ZNF704: variants seen among roughly 807,000 people sequenced by gnomAD.
The protein encoded by ZNF704 is zinc finger protein 704, also known as glucocorticoid induced gene 1.
Under a neutral mutation model 44.7 loss-of-function variants are expected in ZNF704, and 10 were observed. That is an observed-to-expected ratio of 0.22 (90% CI 0.14 to 0.38). ZNF704 has a LOEUF of 0.38. Among genes scored for constraint, ZNF704 ranks in the 10% least tolerant of loss-of-function variants. The probability of loss-of-function intolerance (pLI) is 1.00; values close to 1 mark genes in which losing one functional copy is unlikely to be tolerated. For missense variants in ZNF704, 390 were observed against 545.5 expected (o/e 0.71, Z 2.84); for synonymous variants, 211 against 207.6 (o/e 1.02, Z -0.14).
At chr8:80,817,448 C>T (rs1183252873) in intron 2 of ZNF704, among the ~76,000 whole-genome samples, 3 of 152,180 alleles carry the variant, frequency 2.0e-5, no homozygotes, top group South Asian at 2.1e-4. Flanking sequence ...AACTTTCCTG[C>T]CCTCTCTCCA....
intron 1 of ZNF704, among the ~76,000 whole-genome samples, chr8:80,854,486 G>A (rs918225714): frequency 6.6e-6 from 1 of 152,204 alleles, no homozygotes; most frequent in Non-Finnish European, 1.5e-5. Flanking sequence ...GCCTAACTGT[G>A]ACATAGTCTG....
intron 2 of ZNF704, among the ~76,000 whole-genome samples, chr8:80,806,100 C>T (rs1807985385): frequency 6.6e-6 from 1 of 152,154 alleles, no homozygotes; most frequent in South Asian, 2.1e-4. Context: ...AGAAGGAAGA[C>T]TATTAGCACA....
chr8:80,750,357 T>TAAA (rs5892739), intron 2 of ZNF704, among the ~76,000 whole-genome samples: 3 of 146,886 alleles, frequency 2.0e-5, no homozygotes, highest in Non-Finnish European at 1.5e-5. Context: ...GTAGCTACAC[T>TAAA]AAAAAAAAAA....
intron 2 of ZNF704, among the ~76,000 whole-genome samples, chr8:80,795,409 G>A (rs554858195): frequency 6.6e-6 from 1 of 152,318 alleles, no homozygotes; most frequent in South Asian, 2.1e-4. Flanking sequence ...TCCACAGAAT[G>A]TAATAAAATG....
At chr8:80,798,551 G>A (rs111398034) in intron 2 of ZNF704, among the ~76,000 whole-genome samples, 8,858 of 152,210 alleles carry the variant, frequency 0.058, 287 homozygotes, top group Middle Eastern at 0.13. Context: ...CACGATGCCC[G>A]GCCCTGGTGT....
At chr8:80,669,191 T>G (rs1276534388) in intron 5 of ZNF704, among the ~76,000 whole-genome samples, 1 of 152,108 alleles carries the variant, frequency 6.6e-6, no homozygotes, top group Non-Finnish European at 1.5e-5. Context: ...TTAAAACAAA[T>G]ACCCTACCTC....
chr8:80,724,825 T>C (rs945039598), intron 2 of ZNF704, among the ~76,000 whole-genome samples: 2 of 152,162 alleles, frequency 1.3e-5, no homozygotes, highest in Non-Finnish European at 2.9e-5. Flanking sequence ...TTAACTGATT[T>C]CCCTGCCCTA....
intron 2 of ZNF704, among the ~76,000 whole-genome samples, chr8:80,810,806 C>T (rs1348900385): frequency 2.6e-5 from 4 of 152,188 alleles, no homozygotes; most frequent in Non-Finnish European, 4.4e-5. Context: ...AGGAATCATG[C>T]TGCAGATTTC....
intron 2 of ZNF704, among the ~76,000 whole-genome samples, chr8:80,710,527 A>G (rs1240669903): frequency 6.6e-6 from 1 of 152,024 alleles, no homozygotes; most frequent in East Asian, 1.9e-4. Context: ...TTGAAGCCCT[A>G]CCCCTCGACA....
intron 1 of ZNF704, among the ~76,000 whole-genome samples, chr8:80,864,083 A>G (rs1321993874): frequency 6.6e-6 from 1 of 152,182 alleles, no homozygotes; most frequent in Admixed American, 6.5e-5. Context: ...GTATTCACAG[A>G]TACACAAGTG....
chr8:80,830,564 G>A (rs1473238362), intron 1 of ZNF704, among the ~76,000 whole-genome samples: 2 of 151,928 alleles, frequency 1.3e-5, no homozygotes, highest in Non-Finnish European at 2.9e-5. Context: ...TGTATGAGTA[G>A]TAAGTTTACT....
At chr8:80,705,158 C>T (rs896581714) in intron 2 of ZNF704, among the ~76,000 whole-genome samples, 3 of 152,254 alleles carry the variant, frequency 2.0e-5, no homozygotes, top group East Asian at 1.9e-4. Context: ...AGAGCCTGAG[C>T]GTTTACCCCT....
chr8:80,741,547 G>A (rs1806756792), intron 2 of ZNF704, among the ~76,000 whole-genome samples: 1 of 152,218 alleles, frequency 6.6e-6, no homozygotes, highest in South Asian at 2.1e-4. Context: ...ATCTCATGAT[G>A]TGAACAGCAT....
chr8:80,863,126 T>C (rs1809097561), intron 1 of ZNF704, among the ~76,000 whole-genome samples: 1 of 152,236 alleles, frequency 6.6e-6, no homozygotes, highest in South Asian at 2.1e-4. Flanking sequence ...CAGATATTTA[T>C]TTTTATAAAT....
intron 2 of ZNF704, among the ~76,000 whole-genome samples, chr8:80,696,152 G>C (rs1818721259): frequency 6.6e-6 from 1 of 152,134 alleles, no homozygotes; most frequent in Non-Finnish European, 1.5e-5. Flanking sequence ...TGAGAAAACT[G>C]CTGCAAAGCC....
At chr8:80,877,583 C>G (rs1481232243), upstream of ZNF704, among the ~76,000 whole-genome samples, 1 of 152,186 alleles carries the variant, frequency 6.6e-6, no homozygotes, top group African/African-American at 2.4e-5. Context: ...ACTGGGAGCG[C>G]TTGCCACTCA....
rs116623682 is a variant in ZNF704, at chr8:80,680,071, T to G, written c.558+7155A>C. 6.0e-3 allele frequency among the ~76,000 whole-genome samples: 916 copies of G among 152,192 alleles called. 9 individuals carry two copies. Among genetic ancestry groups the G allele is most frequent in the African/African-American group, 0.021 (887 of 41,496 alleles). On this transcript the variant is annotated intron_variant, in intron 4 of 8. Coordinates refer to ENST00000327835, the MANE Select transcript of ZNF704 (RefSeq NM_001033723.3). ...CCTCAATCCTGTTTCTAAAAAATGG[T>G]TTCATACTTGGAATATACGAAGTAG...
At chr8:80,675,233 G>A (rs1374206557) in intron 4 of ZNF704, among the ~76,000 whole-genome samples, 23 of 152,170 alleles carry the variant, frequency 1.5e-4, no homozygotes, top group Admixed American at 9.8e-4. Context: ...CAGGCATAGC[G>A]AAGAGTTAAA....
At chr8:80,713,144 G>A (rs942562516) in intron 2 of ZNF704, among the ~76,000 whole-genome samples, 7 of 151,988 alleles carry the variant, frequency 4.6e-5, no homozygotes, top group South Asian at 4.2e-4. Context: ...TGATTCACTC[G>A]CCTCGGCATC....
Sources: allele counts gnomAD v4.1 joint callset (sites outside exome capture counted in the v4.1 genomes callset), GRCh38; gene constraint gnomAD v4.1.1; transcripts MANE v1.5; gene names NCBI Gene and HGNC (gene_info 2026-07-23, HGNC 2026-07-21).